Variants in MAMSTR observed in about 807,000 individuals in gnomAD.
MAMSTR encodes the protein MEF2 activating motif and SAP domain containing transcriptional regulator.
A neutral mutation model predicts 42.7 loss-of-function variants in MAMSTR; 41 were observed. The ratio of observed to expected loss-of-function variants is 0.96; its 90% CI spans 0.75 to 1.25. The LOEUF (loss-of-function observed/expected upper bound fraction) is 1.25, where lower values mean the gene tolerates loss of function less well. Among genes scored for constraint, MAMSTR ranks in the 50% most tolerant of loss-of-function variants. MAMSTR has a pLI of 0.00. For synonymous variants in MAMSTR, 265 were observed against 244.1 expected (o/e 1.09, Z -0.80); for missense variants, 567 against 557.6 (o/e 1.02, Z -0.17).
At chr19:48,707,467 G>C in the MAMSTR span, among the ~76,000 whole-genome samples, 1 of 151,846 alleles carries the variant, frequency 6.6e-6, no homozygotes, top group Admixed American at 6.6e-5. Context: ...GCAAGCAGGT[G>C]CTATGGCTCA....
chr19:48,707,883 GAAAGA>G (rs1555755212), downstream of MAMSTR, among the ~76,000 whole-genome samples: 126 of 106,102 alleles, frequency 1.2e-3, 1 homozygote, highest in African/African-American at 2.7e-3. Flanking sequence ...AAGAAAGAAA[GAAAGA>G]AAAGAAAGAA....
downstream of MAMSTR, among the ~76,000 whole-genome samples, chr19:48,711,739 G>GTTTTTTTTTTTTTT (rs34890088): frequency 1.3e-5 from 1 of 76,238 alleles, no homozygotes; most frequent in Non-Finnish European, 2.3e-5. Flanking sequence ...TACCTGGCTA[G>GTTTTTTTTTTTTTT]TTTTTTTTTT....
intron 2 of MAMSTR, 64 bp downstream of exon 2, chr19:48,718,910 C>G: frequency 8.0e-6 from 7 of 872,880 alleles, no homozygotes; most frequent in Non-Finnish European, 1.2e-5. Flanking sequence ...CCCCTCCCTT[C>G]CCACCCCAGA....
chr19:48,709,798 G>A (rs1390861924), downstream of MAMSTR, among the ~76,000 whole-genome samples: 1 of 152,196 alleles, frequency 6.6e-6, no homozygotes, highest in African/African-American at 2.4e-5. Flanking sequence ...AGAGCCTGCT[G>A]AAATTCAAAC....
At chr19:48,713,622 C>G in intron 9 of MAMSTR, 72 bp from the exon 10 acceptor site, 2 of 1,601,382 alleles carry the variant, frequency 1.2e-6, no homozygotes, top group Non-Finnish European at 1.7e-6. Context: ...TACCCCATTT[C>G]CAGGATCCAG....
In MAMSTR at chr19:48,713,761, T is replaced by C; in HGVS notation, c.919A>G (p.Asn307Asp). Reference protein sequence around the residue: ...EAIRRAQLLPNRGIDDILEDQ... With the variant: ...EAIRRAQLLPDRGIDDILEDQ... ...TCCAGGATGTCATCGATGCCCCGGT[T>C]AGGAAGCAACTGCGGATGGAGAAAT... The change falls in exon 9 of 10, where the codon AAC (asparagine) becomes GAC (aspartate). Residue 307 changes from asparagine to aspartate, a missense_variant. Asn to Asp is a conservative substitution (Grantham distance 23). Transcript: ENST00000318083. The C allele has an allele frequency of 6.2e-7, 1 of 1,614,142 alleles. No homozygotes were observed. Among genetic ancestry groups the C allele is most frequent in the Non-Finnish European group, 8.5e-7 (1 of 1,180,016 alleles).
intron 3 of MAMSTR, chr19:48,715,985 A>G: frequency 7.4e-7 from 1 of 1,356,486 alleles, no homozygotes; most frequent in Non-Finnish European, 9.5e-7. Flanking sequence ...TTTCTATCAC[A>G]AAGGGGTGTG....
chr19:48,714,342 G>A (rs763206100), intron 7 of MAMSTR, 24 bp downstream of exon 7: 2 of 1,353,880 alleles, frequency 1.5e-6, no homozygotes, highest in South Asian at 3.7e-5. Flanking sequence ...TCATTGGTCC[G>A]CAAGCTCATA....
chr19:48,715,493 T>G (rs2032973800), intron 4 of MAMSTR, 47 bp from the exon 5 acceptor site: 2 of 1,465,164 alleles, frequency 1.4e-6, no homozygotes, highest in Non-Finnish European at 1.8e-6. Context: ...GGCTCCCACC[T>G]TCCGGCCCCA....
intron 2 of MAMSTR, 132 bp from the exon 3 acceptor site, chr19:48,716,875 G>A: frequency 2.4e-6 from 3 of 1,226,828 alleles, no homozygotes; most frequent in Non-Finnish European, 3.1e-6. Context: ...AGCCTGTGCA[G>A]GCGGGTGGGC....
downstream of MAMSTR, among the ~76,000 whole-genome samples, chr19:48,708,790 G>C (rs1185713370): frequency 1.3e-5 from 2 of 152,282 alleles, no homozygotes; most frequent in East Asian, 1.9e-4. Context: ...CCGAGACACA[G>C]AGAGATGAGC....
chr19:48,714,715 T>G (rs1049664217), intron 6 of MAMSTR, 91 bp downstream of exon 6: 29 of 1,309,614 alleles, frequency 2.2e-5, no homozygotes, highest in Non-Finnish European at 2.8e-5. Flanking sequence ...CCCGATCTCC[T>G]GGATTTCCAG....
chr19:48,706,506 G>A, the MAMSTR span, among the ~76,000 whole-genome samples: 1 of 151,822 alleles, frequency 6.6e-6, no homozygotes, highest in Admixed American at 6.6e-5. Context: ...GCGTGGTGGT[G>A]CATGCCTGTA....
At position 48,714,411 on chromosome 19, in the gene MAMSTR, C is replaced by G; in HGVS notation, c.678G>C (p.Pro226=). Residue 226 remains proline (P), a synonymous_variant, in exon 7 of 10, where the codon CCG becomes CCC. Transcript: ENST00000318083. ...REDSPAGAPW[P]RLKPKALAAA... ...CTGCCAGGGCCTTGGGCTTGAGGCG[C>G]GGCCAGGGAGCACCCGCGGGACTGT... 2.9e-6 allele frequency: 4 copies of G among 1,389,312 alleles called. No individual in the cohort carries two copies. The highest frequency in any genetic ancestry group is 1.5e-5 in the African/African-American group (1 of 65,646). The allele number at this position is 1,389,312 out of a possible 1,614,324, so 86.1% of individuals were successfully genotyped here.
chr19:48,715,512 T>A (rs2032975602), intron 4 of MAMSTR, 66 bp from the exon 5 acceptor site: 1 of 1,462,912 alleles, frequency 6.8e-7, no homozygotes, highest in East Asian at 2.5e-5. Context: ...CAGGACTACA[T>A]GCAAAGTATG....
In MAMSTR at chr19:48,715,718, C is replaced by CG; in HGVS notation, c.146dup (p.Ala50GlyfsTer93). 6.5e-7 allele frequency: 1 copy of CG among 1,540,880 alleles called. No individual in the cohort carries two copies. Among genetic ancestry groups the CG allele is most frequent in the Non-Finnish European group, 8.7e-7 (1 of 1,144,418 alleles). On this transcript the variant is annotated frameshift_variant, in exon 4 of 10. Coordinates refer to ENST00000318083, the MANE Select transcript of MAMSTR (RefSeq NM_001130915.2). LOFTEE classifies it high-confidence loss of function. ...AAGGGGCCGTGCCCGAGGGCAAGGC[C>CG]GGGGCCAGAGGAGGGTCTGAGGCTG...
At chr19:48,708,294 A>G (rs1430459851), downstream of MAMSTR, among the ~76,000 whole-genome samples, 1 of 151,338 alleles carries the variant, frequency 6.6e-6, no homozygotes, top group Non-Finnish European at 1.5e-5. Context: ...AAGGAGGAGG[A>G]GAAATATTTT....
At chr19:48,716,629 C>T in intron 3 of MAMSTR, 76 bp downstream of exon 3, 1 of 1,300,108 alleles carries the variant, frequency 7.7e-7, no homozygotes, top group African/African-American at 1.5e-5. Flanking sequence ...TGAGGGGTAT[C>T]TGGCAGCTGT....
At chr19:48,716,115 C>A (rs1219719686) in intron 3 of MAMSTR, among the ~76,000 whole-genome samples, 3 of 152,010 alleles carry the variant, frequency 2.0e-5, no homozygotes, top group African/African-American at 7.3e-5. Flanking sequence ...GTGGCTCACG[C>A]CTGTAATCCC....
Sources: gnomAD v4.1 joint callset for allele counts (sites outside exome capture counted in the v4.1 genomes callset) on GRCh38, gnomAD v4.1.1 for gene constraint, MANE v1.5 for transcripts, NCBI Gene and HGNC (gene_info 2026-07-23, HGNC 2026-07-21) for gene names.